PTPRD: variants seen among roughly 807,000 people sequenced by gnomAD.
PTPRD encodes the protein receptor-type tyrosine-protein phosphatase delta.
In PTPRD, 34 loss-of-function variants were observed where a neutral mutation model predicts 214.5. The ratio of observed to expected loss-of-function variants is 0.16; its 90% CI spans 0.12 to 0.21. The LOEUF (loss-of-function observed/expected upper bound fraction) is 0.21, where lower values mean the gene tolerates loss of function less well. Among genes scored for constraint, PTPRD ranks in the 10% least tolerant of loss-of-function variants. PTPRD has a pLI of 1.00. For missense variants in PTPRD, 2,545 were observed against 2,398.7 expected, an observed-to-expected ratio of 1.06 and a Z score of -1.27; for synonymous variants, 1,128 against 845.7, an observed-to-expected ratio of 1.33 and a Z score of -5.79.
intron 11 of PTPRD, among the ~76,000 whole-genome samples, chr9:9,004,444 GAATTCGAA>G (rs2099445651): frequency 6.6e-6 from 1 of 151,546 alleles, no homozygotes; most frequent in Non-Finnish European, 1.5e-5. Context: ...AAACTCTCTG[GAATTCGAA>G]AATTTTGGCA....
At chr9:9,766,666 TCTCA>T (rs2098709319) in intron 6 of PTPRD, 140 bp downstream of exon 6, 1 of 152,168 alleles carries the variant, frequency 6.6e-6, no homozygotes, top group African/African-American at 2.4e-5. Flanking sequence ...TCTGATGTTT[TCTCA>T]CTATTACATA....
At chr9:9,327,650 G>A (rs926271331) in intron 9 of PTPRD, among the ~76,000 whole-genome samples, 1 of 152,090 alleles carries the variant, frequency 6.6e-6, no homozygotes, top group African/African-American at 2.4e-5. Context: ...TACAAAATGA[G>A]AATGTGGGAA....
At chr9:9,266,563 C>T (rs561523953) in intron 9 of PTPRD, among the ~76,000 whole-genome samples, 6 of 150,308 alleles carry the variant, frequency 4.0e-5, no homozygotes, top group African/African-American at 7.3e-5. Context: ...CACTGACCAC[C>T]GTGATATGAA....
chr9:8,801,571 C>A (rs953484782), intron 11 of PTPRD, among the ~76,000 whole-genome samples: 13 of 151,998 alleles, frequency 8.6e-5, no homozygotes, highest in African/African-American at 3.1e-4. Context: ...ACAAAATTAG[C>A]CAGGCATGGT....
intron 11 of PTPRD, among the ~76,000 whole-genome samples, chr9:8,830,160 G>C (rs1281039117): frequency 2.0e-5 from 3 of 152,098 alleles, no homozygotes; most frequent in East Asian, 1.9e-4. Flanking sequence ...TTACAGATGA[G>C]AAAATGAGGC....
chr9:8,785,964 G>T (rs1041187393), intron 11 of PTPRD, among the ~76,000 whole-genome samples: 2 of 152,026 alleles, frequency 1.3e-5, no homozygotes, highest in African/African-American at 4.8e-5. Flanking sequence ...TGGCCCAACA[G>T]AATCACTTCC....
chr9:9,033,937 CAG>C (rs2099613630), intron 10 of PTPRD, among the ~76,000 whole-genome samples: 1 of 152,098 alleles, frequency 6.6e-6, no homozygotes, highest in Admixed American at 6.6e-5. Context: ...ATTCCTCACT[CAG>C]GGGGAAACTC....
chr9:8,780,490 G>A (rs924248508), intron 11 of PTPRD, among the ~76,000 whole-genome samples: 2 of 152,122 alleles, frequency 1.3e-5, no homozygotes, highest in Admixed American at 6.6e-5. Flanking sequence ...CCTCAGACAC[G>A]GAGGGATTAA....
chr9:8,341,065 T>G, intron 41 of PTPRD, 25 bp downstream of exon 41: 1 of 1,549,728 alleles, frequency 6.5e-7, no homozygotes. Context: ...AGGCTTTGGA[T>G]AGTCAGGGGA....
intron 4 of PTPRD, among the ~76,000 whole-genome samples, chr9:9,979,253 T>C (rs936158036): frequency 4.6e-5 from 7 of 152,088 alleles, no homozygotes; most frequent in Non-Finnish European, 5.9e-5. Context: ...TTATTTTTCA[T>C]CATTCTAAAA....
chr9:8,366,751 G>A (rs2079995223), intron 39 of PTPRD, among the ~76,000 whole-genome samples: 2 of 152,162 alleles, frequency 1.3e-5, no homozygotes, highest in Admixed American at 6.5e-5. Flanking sequence ...CACTCCTGGG[G>A]CTTATTGTTT....
chr9:9,304,893 A>T (rs1244417818), intron 9 of PTPRD, among the ~76,000 whole-genome samples: 1 of 149,200 alleles, frequency 6.7e-6, no homozygotes, highest in Non-Finnish European at 1.5e-5. Flanking sequence ...CCATGAAAGG[A>T]TAGGGGAGAA....
intron 6 of PTPRD, among the ~76,000 whole-genome samples, chr9:9,753,906 C>T (rs1012559655): frequency 6.6e-6 from 1 of 151,938 alleles, no homozygotes; most frequent in Admixed American, 6.6e-5. Context: ...CTCAAATTTC[C>T]TATTTTCTAA....
chr9:10,560,960 T>C (rs1022128852), intron 2 of PTPRD, among the ~76,000 whole-genome samples: 4 of 152,168 alleles, frequency 2.6e-5, no homozygotes, highest in African/African-American at 9.7e-5. Context: ...TCTTGATGAA[T>C]GTGGGTGAAT....
chr9:9,386,163 T>C lies in PTPRD; in HGVS notation c.-203+11286A>G, dbSNP rs568871686. Among the ~76,000 whole-genome samples the C allele has an allele frequency of 4.6e-5, 7 of 152,258 alleles. No individual in the cohort carries two copies. In the South Asian group the frequency reaches 1.2e-3, roughly 27 times the overall value. The stretch of plus-strand genomic sequence containing the variant: ...TGTAGGCTTAGTTACAATGACAGCG[T>C]CCAATATATGTTTCCAATGACATGC... On this transcript the variant is annotated intron_variant, in intron 9 of 45. Transcript: ENST00000381196.
chr9:10,596,151 G>A (rs1188982846), intron 2 of PTPRD, among the ~76,000 whole-genome samples: 1 of 151,700 alleles, frequency 6.6e-6, no homozygotes, highest in African/African-American at 2.4e-5. Context: ...TGAGAAAATG[G>A]CAGTTTTCTG....
intron 11 of PTPRD, among the ~76,000 whole-genome samples, chr9:8,742,992 A>G (rs2092268505): frequency 6.6e-6 from 1 of 151,960 alleles, no homozygotes; most frequent in South Asian, 2.1e-4. Flanking sequence ...TAACACACAG[A>G]ACAACTACCT....
intron 8 of PTPRD, among the ~76,000 whole-genome samples, chr9:9,449,643 T>A (rs141174510): frequency 6.5e-4 from 99 of 152,154 alleles, no homozygotes; most frequent in African/African-American, 2.4e-3. Context: ...GATTCCACAT[T>A]TGCTCATTCA....
intron 9 of PTPRD, among the ~76,000 whole-genome samples, chr9:9,277,201 T>A: frequency 6.6e-6 from 1 of 151,446 alleles, no homozygotes; most frequent in Non-Finnish European, 1.5e-5. Context: ...TTGTTAAATT[T>A]AATTGAACAA....
Sources: gnomAD v4.1 joint callset for allele counts (sites outside exome capture counted in the v4.1 genomes callset) on GRCh38, gnomAD v4.1.1 for gene constraint, MANE v1.5 for transcripts, NCBI Gene and HGNC (gene_info 2026-07-23, HGNC 2026-07-21) for gene names.